The following PPP1R16A variants were observed in gnomAD, a reference collection of about 807,000 sequenced individuals.
PPP1R16A encodes the protein myosin phosphatase-targeting subunit 3.
PPP1R16A carries 39 observed loss-of-function variants against 46.6 expected under a neutral mutation model. That is an observed-to-expected ratio of 0.84 (90% confidence interval 0.65 to 1.09). The LOEUF (loss-of-function observed/expected upper bound fraction) is 1.09, where lower values mean the gene tolerates loss of function less well. PPP1R16A is among the 50% of genes least tolerant of loss of function. The probability of loss-of-function intolerance (pLI) is 0.00; values close to 1 mark genes in which losing one functional copy is unlikely to be tolerated. For missense variants in PPP1R16A, 798 were observed against 735.6 expected (o/e 1.08, Z -0.98); for synonymous variants, 413 against 321.5 (o/e 1.28, Z -3.04).
chr8:144,500,937 C>T lies in PPP1R16A; in HGVS notation c.1003C>T (p.Leu335=), dbSNP rs1448132035. 7.3e-6 allele frequency: 11 copies of T among 1,507,312 alleles called. No homozygotes were observed. Among genetic ancestry groups the T allele is most frequent in the Non-Finnish European group, 9.7e-6 (11 of 1,133,650 alleles). The allele number at this position is 1,507,312 out of a possible 1,614,324, so 93.4% of individuals were successfully genotyped here. ...CGCCCAGAGCCGCCAGCGCTCCTTGCTGCGCCGCCGCACCTCCAGCGCCGG... is the reference window on the plus strand; with the variant it reads ...CGCCCAGAGCCGCCAGCGCTCCTTGTTGCGCCGCCGCACCTCCAGCGCCGG... ...LRAQSRQRSL[L]RRRTSSAGSR... The change falls in exon 10 of 12, where the codon CTG becomes TTG. Residue 335 remains leucine, a synonymous_variant. Transcript: ENST00000435887.
Position 144,501,187 on chromosome 8 carries a change from G to A in PPP1R16A, c.1096G>A (p.Ala366Thr), listed in dbSNP as rs1320081776. Residue 366 changes from alanine (A) to threonine (T), a missense_variant, in exon 11 of 12, where the codon GCC (alanine) becomes ACC (threonine). Coordinates refer to ENST00000435887, the MANE Select transcript of PPP1R16A (RefSeq NM_001329443.2). The stretch of plus-strand genomic sequence containing the variant: ...CACCGACCTGTACCGCAAGCAGCAC[G>A]CCCAGGAGGCCATCGTGTGGCAACA... ...QRTDLYRKQH[A>T]QEAIVWQQPP... 3 of 1,609,966 alleles carry A rather than the reference G, an allele frequency of 1.9e-6. No individual in the cohort carries two copies. Among genetic ancestry groups the A allele is most frequent in the Middle Eastern group, 3.3e-4 (2 of 6,080 alleles).
intron 2 of PPP1R16A, among the ~76,000 whole-genome samples, chr8:144,490,714 G>C (rs2130320339): frequency 6.6e-6 from 1 of 152,310 alleles, no homozygotes. Context: ...GTCCTTCTGA[G>C]AGTCCAGCAC....
At position 144,501,957 on chromosome 8, in the gene PPP1R16A, C is replaced by G; in HGVS notation, c.*54C>G. 6.9e-7 allele frequency: 1 copy of G among 1,455,806 alleles called. No individual in the cohort carries two copies. 90.2% of individuals were successfully genotyped at this position (1,455,806 alleles called of 1,614,324 possible). On this transcript the variant is annotated 3_prime_UTR_variant, in exon 12 of 12. Coordinates refer to ENST00000435887, the MANE Select transcript of PPP1R16A (RefSeq NM_001329443.2). ...TCGCGGGCACAGCCCAAGGCTGCCT[C>G]CCCACGGTGCGTGCCCTGGTGCTGC...
intron 1 of PPP1R16A, 117 bp downstream of exon 1, chr8:144,478,244 A>C (rs1825256697): frequency 2.6e-6 from 1 of 384,024 alleles, no homozygotes; most frequent in Non-Finnish European, 4.6e-6. Flanking sequence ...CCGAGAGAGG[A>C]GGCCGGGCCG....
Position 144,500,837 on chromosome 8 carries a change from C to G in PPP1R16A, c.908-5C>G, listed in dbSNP as rs776169645. 6.3e-7 allele frequency: 1 copy of G among 1,585,260 alleles called. No individual in the cohort carries two copies. Among genetic ancestry groups the G allele is most frequent in the Non-Finnish European group, 8.6e-7 (1 of 1,166,902 alleles). On this transcript the variant is annotated splice_region_variant and splice_polypyrimidine_tract_variant and intron_variant, in intron 9 of 11. Coordinates refer to ENST00000435887, the MANE Select transcript of PPP1R16A (RefSeq NM_001329443.2). ...GCGCCCCTGACGCCTGCGCCCACTT[C>G]TCAGATGTGTGCGGGGACGAGGAGG...
In PPP1R16A at chr8:144,496,681, GT is replaced by G; in HGVS notation, c.-513del. 2.9e-5 allele frequency: 6 copies of G among 205,218 alleles called. No individual in the cohort carries two copies. The highest frequency in any genetic ancestry group is 1.1e-4 in the East Asian group (1 of 8,850). 12.7% of individuals were successfully genotyped at this position (205,218 alleles called of 1,614,324 possible). On this transcript the variant is annotated 5_prime_UTR_variant, in exon 3 of 12. Transcript: ENST00000435887. ...ACAGCTGGGAGGGGTTGGGGGCTGGGTCATGGCTGCTCCCAGGCCCCACCCA... is the reference window on the plus strand; with the variant it reads ...ACAGCTGGGAGGGGTTGGGGGCTGGGCATGGCTGCTCCCAGGCCCCACCCA...
Position 144,493,779 on chromosome 8 carries a change from G to A in PPP1R16A, c.-734-2682G>A, listed in dbSNP as rs1306659878. 4.6e-5 allele frequency among the ~76,000 whole-genome samples: 7 copies of A among 152,118 alleles called. No individual in the cohort carries two copies. Among genetic ancestry groups the A allele is most frequent in the African/African-American group, 2.4e-5 (1 of 41,442 alleles). ...TCTTAGAGGAGGCAGTTGGACCCTC[G>A]AGCAGGACAGGAACCTGCCCAGAGT... On this transcript the variant is annotated intron_variant, in intron 2 of 11. Coordinates refer to ENST00000435887, the MANE Select transcript of PPP1R16A (RefSeq NM_001329443.2). The surrounding 1 kb of genome is among the most constrained non-coding windows in gnomAD (Gnocchi z 4.3).
chr8:144,489,722 G>A (rs72697645), intron 1 of PPP1R16A, among the ~76,000 whole-genome samples: 48,070 of 152,130 alleles, frequency 0.32, 9,197 homozygotes, highest in Middle Eastern at 0.45. Context: ...CCAGTCCCCA[G>A]ATGTAGGCTG....
chr8:144,489,806 C>G (rs1022451596), intron 1 of PPP1R16A, among the ~76,000 whole-genome samples: 1 of 152,246 alleles, frequency 6.6e-6, no homozygotes. Flanking sequence ...GCCTCTCCAG[C>G]AGCCACCAAC....
At chr8:144,498,110 G>A (rs546622533) in intron 3 of PPP1R16A, 19 of 455,832 alleles carry the variant, frequency 4.2e-5, no homozygotes, top group African/African-American at 2.4e-4. Flanking sequence ...AAGAGGAGCC[G>A]GCAGTGTCTG....
At chr8:144,499,898 A>G (rs1239659770) in intron 5 of PPP1R16A, 198 bp from the exon 6 acceptor site, 3 of 587,568 alleles carry the variant, frequency 5.1e-6, no homozygotes, top group Admixed American at 3.0e-5. Flanking sequence ...TAGAGACTGC[A>G]GGAGGCCTGT....
chr8:144,500,193 G>C lies in PPP1R16A; in HGVS notation c.574G>C (p.Asp192His). Residue 192 changes from aspartate to histidine, a missense_variant, in exon 6 of 12, where the codon GAC (aspartate) becomes CAC (histidine). Asp to His is a moderately conservative substitution (Grantham distance 81). Coordinates refer to ENST00000435887, the MANE Select transcript of PPP1R16A (RefSeq NM_001329443.2). The part of the protein sequence containing the change: ...TLDCLETAMA[D>H]RGITQDSIEA... ...GGACTGCCTGGAGACTGCCATGGCCGACCGTGGTAGGTGCGGCGGTGCGGC... is the reference window on the plus strand; with the variant it reads ...GGACTGCCTGGAGACTGCCATGGCCCACCGTGGTAGGTGCGGCGGTGCGGC... The C allele has an allele frequency of 6.2e-7, 1 of 1,607,572 alleles. No homozygotes were observed. The highest frequency in any genetic ancestry group is 8.5e-7 in the Non-Finnish European group (1 of 1,177,374).
Position 144,497,007 on chromosome 8 carries a change from C to G in PPP1R16A, c.-188C>G, listed in dbSNP as rs1269236237. The stretch of plus-strand genomic sequence containing the variant: ...CTGCCCTCCCTGCCCCGGCCCATGC[C>G]CCCCAGGGCTGCCTGGGCCTGGTTA... On this transcript the variant is annotated 5_prime_UTR_variant, in exon 3 of 12. Coordinates refer to ENST00000435887, the MANE Select transcript of PPP1R16A (RefSeq NM_001329443.2). 1 of 735,342 alleles carries G rather than the reference C, an allele frequency of 1.4e-6. No individual in the cohort carries two copies. The highest frequency in any genetic ancestry group is 1.8e-5 in the African/African-American group (1 of 56,410). 45.6% of individuals were successfully genotyped at this position (735,342 alleles called of 1,614,324 possible). A position where few individuals can be genotyped will look rare whatever the true frequency, so the allele number is the denominator to read the frequency against.
In PPP1R16A at chr8:144,491,428, C is replaced by A. The variant is rs1287486514; in HGVS notation, c.-735+1216C>A. Among the ~76,000 whole-genome samples, 8 of 151,870 alleles carry A rather than the reference C, an allele frequency of 5.3e-5. No individual in the cohort carries two copies. In the East Asian group the frequency reaches 1.6e-3, roughly 29 times the overall value. On this transcript the variant is annotated intron_variant, in intron 2 of 11. Coordinates refer to ENST00000435887, the MANE Select transcript of PPP1R16A (RefSeq NM_001329443.2). ...CAGGAATTCCAGACACCAGCCTGGG[C>A]AACATAGGGAAACACTGTCTCTACA...
Position 144,501,943 on chromosome 8 carries a change from GC to G in PPP1R16A, c.*43del, listed in dbSNP as rs1564774577. The G allele has an allele frequency of 1.4e-6, 2 of 1,466,558 alleles. No individual in the cohort carries two copies. Among genetic ancestry groups the G allele is most frequent in the African/African-American group, 1.4e-5 (1 of 71,072 alleles). 90.8% of individuals were successfully genotyped at this position (1,466,558 alleles called of 1,614,324 possible). The stretch of plus-strand genomic sequence containing the variant: ...ATGCAGGGGCCCTGTCGCGGGCACA[GC>G]CCAAGGCTGCCTCCCCACGGTGCGT... On this transcript the variant is annotated 3_prime_UTR_variant, in exon 12 of 12. Coordinates refer to ENST00000435887, the MANE Select transcript of PPP1R16A (RefSeq NM_001329443.2).
intron 3 of PPP1R16A, chr8:144,498,230 C>T (rs571206050): frequency 2.6e-6 from 1 of 377,860 alleles, no homozygotes; most frequent in African/African-American, 2.1e-5. Flanking sequence ...GGGAGCCCTC[C>T]TGCTGCACCC....
At position 144,478,042 on chromosome 8, in the gene PPP1R16A, C is replaced by T. The variant is rs1357909372; in HGVS notation, c.-999C>T. The T allele has an allele frequency of 2.5e-6, 1 of 394,514 alleles. No homozygotes were observed. Among genetic ancestry groups the T allele is most frequent in the African/African-American group, 2.1e-5 (1 of 48,392 alleles). 24.4% of individuals were successfully genotyped at this position (394,514 alleles called of 1,614,324 possible). ...GGCGAGGGCCGGGTGCGGGGCCCGC[C>T]CCCGCAGCGCCTCAGGGAGCGCGGG... On this transcript the variant is annotated 5_prime_UTR_variant, in exon 1 of 12. Coordinates refer to ENST00000435887, the MANE Select transcript of PPP1R16A (RefSeq NM_001329443.2).
chr8:144,492,890 C>G (rs898107790), intron 2 of PPP1R16A, among the ~76,000 whole-genome samples: 8 of 152,126 alleles, frequency 5.3e-5, no homozygotes, highest in Non-Finnish European at 1.0e-4. Flanking sequence ...GTGACACCGC[C>G]CCTCAGGCTG....
chr8:144,498,918 C>T lies in PPP1R16A; in HGVS notation c.333C>T (p.Cys111=), dbSNP rs1418428400. 1 of 1,612,876 alleles carries T rather than the reference C, an allele frequency of 6.2e-7. No homozygotes were observed. Among genetic ancestry groups the T allele is most frequent in the Non-Finnish European group, 8.5e-7 (1 of 1,179,930 alleles). ...NEDGLTALHQ[C]CIDDFREMVQ... ...CGCTCACGTGGCACGGTTTGCAGTG[C>T]TGCATTGATGATTTCCGAGAGATGG... The change falls in exon 5 of 12, where the codon TGC becomes TGT. Residue 111 remains cysteine, a splice_region_variant and synonymous_variant. Transcript: ENST00000435887.
Sources: allele counts gnomAD v4.1 joint callset (sites outside exome capture counted in the v4.1 genomes callset), GRCh38; gene constraint gnomAD v4.1.1; non-coding constraint Gnocchi (gnomAD v3.1); transcripts MANE v1.5; gene names NCBI Gene and HGNC (gene_info 2026-07-23, HGNC 2026-07-21).